GABBR2: variants seen among roughly 807,000 people sequenced by gnomAD.
The protein encoded by GABBR2 is gamma-aminobutyric acid type B receptor subunit 2.
In GABBR2, 23 loss-of-function variants were observed where a neutral mutation model predicts 105.6. The ratio of observed to expected loss-of-function variants is 0.22; its 90% confidence interval spans 0.16 to 0.31. The LOEUF is 0.31. Ranked by LOEUF, GABBR2 falls within the 10% of genes least tolerant of loss-of-function variation. The pLI is 1.00. For missense variants in GABBR2, 734 were observed against 1,245.5 expected, an observed-to-expected ratio of 0.59 and a Z score of 6.18; for synonymous variants, 478 against 499.7, an observed-to-expected ratio of 0.96 and a Z score of 0.58.
chr9:98,334,750 CCT>C (rs1831085268), intron 13 of GABBR2, among the ~76,000 whole-genome samples: 1 of 152,172 alleles, frequency 6.6e-6, no homozygotes, highest in Non-Finnish European at 1.5e-5. Flanking sequence ...GTCTCAGCCT[CCT>C]CTGACATGAA....
intron 1 of GABBR2, among the ~76,000 whole-genome samples, chr9:98,650,477 C>G (rs1176655021): frequency 6.6e-6 from 1 of 152,140 alleles, no homozygotes; most frequent in Non-Finnish European, 1.5e-5. Context: ...AGCCCCAAAG[C>G]TAATGAGGTC....
intron 12 of GABBR2, among the ~76,000 whole-genome samples, chr9:98,367,281 T>A (rs1831696303): frequency 1.6e-5 from 2 of 125,434 alleles, no homozygotes; most frequent in Admixed American, 8.2e-5. Context: ...TTTATATAAA[T>A]CTAGTATATA....
chr9:98,694,366 G>C (rs1251310945), intron 1 of GABBR2, among the ~76,000 whole-genome samples: 1 of 152,244 alleles, frequency 6.6e-6, no homozygotes, highest in African/African-American at 2.4e-5. Context: ...GGATGGCCTT[G>C]GGCCTGACAC....
chr9:98,673,836 C>T (rs1309730827), intron 1 of GABBR2, among the ~76,000 whole-genome samples: 5 of 152,276 alleles, frequency 3.3e-5, no homozygotes, highest in East Asian at 3.9e-4. Flanking sequence ...GTCTGACCTA[C>T]GCTCACTGCT....
At chr9:98,636,918 G>A (rs1829885982) in intron 1 of GABBR2, among the ~76,000 whole-genome samples, 1 of 152,040 alleles carries the variant, frequency 6.6e-6, no homozygotes, top group Non-Finnish European at 1.5e-5. Context: ...CAGAGTCCCG[G>A]GCCCTCCTTG....
At chr9:98,467,675 T>C (rs1826589073) in intron 6 of GABBR2, among the ~76,000 whole-genome samples, 1 of 152,178 alleles carries the variant, frequency 6.6e-6, no homozygotes, top group Non-Finnish European at 1.5e-5. Flanking sequence ...ATTTGCTGGG[T>C]TGAATAAATA....
chr9:98,396,944 TC>T (rs1281255287), intron 8 of GABBR2, among the ~76,000 whole-genome samples: 1 of 152,190 alleles, frequency 6.6e-6, no homozygotes, highest in Non-Finnish European at 1.5e-5. Flanking sequence ...CTTCACAAGT[TC>T]CTGCATTTAA....
intron 13 of GABBR2, among the ~76,000 whole-genome samples, chr9:98,340,124 T>C (rs1831184530): frequency 1.3e-5 from 2 of 152,108 alleles, no homozygotes; most frequent in Middle Eastern, 3.4e-3. Context: ...TGCAGCTGGT[T>C]CTCAGTGGAC....
Position 98,514,461 on chromosome 9 carries a change from A to G in GABBR2, c.631-17947T>C, listed in dbSNP as rs1827717506. Reference sequence around the variant, plus strand: ...TGGCACATACACACCATGGAATACTATGCAGCCATAAAAAATGATGAGTTC... The same window carrying G: ...TGGCACATACACACCATGGAATACTGTGCAGCCATAAAAAATGATGAGTTC... On this transcript the variant is annotated intron_variant, in intron 3 of 18. Coordinates refer to ENST00000259455, the MANE Select transcript of GABBR2 (RefSeq NM_005458.8). Among the ~76,000 whole-genome samples, 2 of 146,838 alleles carry G rather than the reference A, an allele frequency of 1.4e-5. 1 individual carries two copies. Among genetic ancestry groups the G allele is most frequent in the Non-Finnish European group, 3.0e-5 (2 of 66,374 alleles).
At chr9:98,666,764 G>T (rs1287438047) in intron 1 of GABBR2, among the ~76,000 whole-genome samples, 1 of 152,152 alleles carries the variant, frequency 6.6e-6, no homozygotes, top group East Asian at 1.9e-4. Flanking sequence ...GAGAGGGAAG[G>T]CTTTCCATGT....
chr9:98,411,512 T>C (rs980493908), intron 7 of GABBR2, among the ~76,000 whole-genome samples: 1 of 152,134 alleles, frequency 6.6e-6, no homozygotes, highest in African/African-American at 2.4e-5. Flanking sequence ...GGGTAACTTA[T>C]TGTAAAGGGT....
intron 3 of GABBR2, among the ~76,000 whole-genome samples, chr9:98,506,136 C>T (rs925657874): frequency 4.6e-5 from 7 of 152,138 alleles, no homozygotes; most frequent in South Asian, 4.1e-4. Flanking sequence ...GAGGACCATA[C>T]GCTGTGCATC....
intron 7 of GABBR2, among the ~76,000 whole-genome samples, chr9:98,409,450 C>T (rs1356221243): frequency 2.0e-5 from 3 of 152,192 alleles, no homozygotes; most frequent in Non-Finnish European, 2.9e-5. Context: ...CTCCACAGCT[C>T]AGACTGCATG....
intron 3 of GABBR2, among the ~76,000 whole-genome samples, chr9:98,526,462 C>T (rs547280304): frequency 1.3e-5 from 2 of 152,304 alleles, no homozygotes; most frequent in Admixed American, 1.3e-4. Context: ...AGGTGGCTGC[C>T]CAAACATCAC....
intron 13 of GABBR2, among the ~76,000 whole-genome samples, chr9:98,325,421 AG>A (rs1830905713): frequency 6.7e-6 from 1 of 149,334 alleles, no homozygotes; most frequent in African/African-American, 2.5e-5. Flanking sequence ...CCTCCTGAGT[AG>A]CTGAGATTAC....
chr9:98,585,077 C>T (rs545387627), intron 1 of GABBR2, among the ~76,000 whole-genome samples: 25 of 152,240 alleles, frequency 1.6e-4, no homozygotes, highest in Middle Eastern at 3.4e-3. Context: ...TGCTTATCTA[C>T]GAGTCATTTC....
intron 3 of GABBR2, among the ~76,000 whole-genome samples, chr9:98,535,419 AAAAT>A (rs769982954): frequency 2.0e-5 from 3 of 151,984 alleles, no homozygotes; most frequent in Admixed American, 6.6e-5. Flanking sequence ...GGATATTTTA[AAAAT>A]AAATAAATAA....
intron 1 of GABBR2, among the ~76,000 whole-genome samples, chr9:98,581,498 A>G (rs1175884784): frequency 1.7e-5 from 2 of 120,188 alleles, no homozygotes; most frequent in Non-Finnish European, 3.4e-5. Context: ...AGGAAGGAAG[A>G]GAGGGAGGGA....
intron 7 of GABBR2, among the ~76,000 whole-genome samples, chr9:98,436,368 T>TCCATAAATATACC (rs1825919187): frequency 3.3e-4 from 4 of 12,004 alleles, no homozygotes; most frequent in Admixed American, 1.6e-3. Context: ...TATATATATA[T>TCCATAAATATACC]ATATATATAT....
Sources: allele counts gnomAD v4.1 joint callset (sites outside exome capture counted in the v4.1 genomes callset), GRCh38; gene constraint gnomAD v4.1.1; transcripts MANE v1.5; gene names NCBI Gene and HGNC (gene_info 2026-07-23, HGNC 2026-07-21).